TMEM165: variants seen among roughly 807,000 people sequenced by gnomAD.
TMEM165 encodes the protein putative divalent cation/proton antiporter TMEM165.
TMEM165 carries 19 observed loss-of-function variants against 30.0 expected under a neutral mutation model. The observed-to-expected ratio is 0.63, with a 90% CI of 0.44 to 0.93. TMEM165 has a LOEUF of 0.93. Among genes scored for constraint, TMEM165 ranks in the 40% least tolerant of loss-of-function variants. The probability of loss-of-function intolerance (pLI) is 0.00; values close to 1 mark genes in which losing one functional copy is unlikely to be tolerated. For missense variants in TMEM165, 340 were observed against 417.0 expected, an observed-to-expected ratio of 0.82 and a Z score of 1.61; for synonymous variants, 168 against 162.9, an observed-to-expected ratio of 1.03 and a Z score of -0.24.
At chr4:55,400,768 ACTC>A (rs1720967746) in intron 1 of TMEM165, among the ~76,000 whole-genome samples, 1 of 150,234 alleles carries the variant, frequency 6.7e-6, no homozygotes, top group Middle Eastern at 3.4e-3. Flanking sequence ...TTTTGATACT[ACTC>A]AAGTATTTTT....
downstream of TMEM165, chr4:55,429,759 A>C (rs1281457837): frequency 6.6e-6 from 1 of 152,234 alleles, no homozygotes; most frequent in Non-Finnish European, 1.5e-5. Context: ...AAAACAAAGA[A>C]GGCAGCAAGT....
At chr4:55,415,633 C>G (rs112200939) in intron 2 of TMEM165, 1 of 152,076 alleles carries the variant, frequency 6.6e-6, no homozygotes, top group South Asian at 2.1e-4. Context: ...TACATATATA[C>G]AAATATACAT....
At chr4:55,412,391 C>A (rs1445306865) in intron 2 of TMEM165, among the ~76,000 whole-genome samples, 1 of 9,330 alleles carries the variant, frequency 1.1e-4, no homozygotes, top group Non-Finnish European at 4.0e-4. Context: ...GAGACTCCAT[C>A]TCAAAAAAAA....
chr4:55,427,624 C>T (rs1013907860), downstream of TMEM165, among the ~76,000 whole-genome samples: 10 of 152,180 alleles, frequency 6.6e-5, no homozygotes, highest in Admixed American at 5.9e-4. Flanking sequence ...GGATTACAGG[C>T]GTGAGCCACC....
intron 1 of TMEM165, among the ~76,000 whole-genome samples, chr4:55,402,322 A>G (rs1721031617): frequency 6.9e-6 from 1 of 144,132 alleles, no homozygotes. Context: ...CGTAATGAAA[A>G]TTAAAATACT....
At chr4:55,440,136 A>C (rs1206172095) in intron 3 of TMEM165, among the ~76,000 whole-genome samples, 1 of 152,182 alleles carries the variant, frequency 6.6e-6, no homozygotes, top group Non-Finnish European at 1.5e-5. Flanking sequence ...TTCATGAATA[A>C]ACAAAGCTAT....
chr4:55,405,218 T>C (rs1271409077), intron 1 of TMEM165, among the ~76,000 whole-genome samples: 2 of 152,224 alleles, frequency 1.3e-5, no homozygotes, highest in African/African-American at 4.8e-5. Context: ...CTTAATGTTA[T>C]TAATAGATTC....
downstream of TMEM165, among the ~76,000 whole-genome samples, chr4:55,426,838 A>AT (rs1722223891): frequency 6.6e-6 from 1 of 152,052 alleles, no homozygotes; most frequent in South Asian, 2.1e-4. Flanking sequence ...AGATCTTAAG[A>AT]GGAGTTTTCA....
Position 55,424,957 on chromosome 4 carries a change from A to G in TMEM165, c.898+314A>G, listed in dbSNP as rs78319004. On this transcript the variant is annotated intron_variant, in intron 5 of 5. Transcript: ENST00000381334. ...TAAAAATGTGTCTTACAAGACTGGA[A>G]TCATGTGGAGACCATATGTACTGAT... The G allele has an allele frequency of 0.013, 4,865 of 387,192 alleles. 222 individuals are homozygous for G. The highest frequency in any genetic ancestry group is 0.093 in the African/African-American group (4,478 of 48,132). The allele number at this position is 387,192 out of a possible 1,614,324, so 24.0% of individuals were successfully genotyped here.
chr4:55,446,948 G>A (rs1406670480), intron 3 of TMEM165, among the ~76,000 whole-genome samples: 2 of 151,872 alleles, frequency 1.3e-5, no homozygotes, highest in Non-Finnish European at 2.9e-5. Context: ...ACACAACTTT[G>A]ATTTCAGAAA....
At chr4:55,448,003 T>A (rs1439954092) in intron 3 of TMEM165, among the ~76,000 whole-genome samples, 1 of 152,194 alleles carries the variant, frequency 6.6e-6, no homozygotes, top group Non-Finnish European at 1.5e-5. Context: ...CCCCCTTTTT[T>A]TTGGCTACTT....
chr4:55,413,859 G>A (rs1246437723), intron 2 of TMEM165, among the ~76,000 whole-genome samples: 3 of 152,090 alleles, frequency 2.0e-5, no homozygotes, highest in African/African-American at 7.2e-5. Context: ...TTATTTATAA[G>A]CTATATAATG....
At chr4:55,397,037 A>G (rs976238518) in intron 1 of TMEM165, 2 of 152,188 alleles carry the variant, frequency 1.3e-5, no homozygotes, top group African/African-American at 4.8e-5. Flanking sequence ...CTGAATAGAT[A>G]CTAGAAATCA....
chr4:55,420,198 T>C (rs1164752422), intron 4 of TMEM165, among the ~76,000 whole-genome samples: 1 of 146,708 alleles, frequency 6.8e-6, no homozygotes, highest in African/African-American at 2.5e-5. Flanking sequence ...ATTTCTAGCC[T>C]TTTATTGGCT....
intron 3 of TMEM165, among the ~76,000 whole-genome samples, chr4:55,439,675 TAAAA>T (rs1252837059): frequency 1.3e-5 from 2 of 152,254 alleles, no homozygotes; most frequent in African/African-American, 4.8e-5. Flanking sequence ...TACTTAGCCT[TAAAA>T]AGGAAAGAAA....
In TMEM165 at chr4:55,413,452, C is replaced by G. The variant is rs539653354; in HGVS notation, c.433+1613C>G. On this transcript the variant is annotated intron_variant, in intron 2 of 5. Transcript: ENST00000381334. ...GCCTCAGCCTCCCAAGTAGCTGAGA[C>G]TACAGGCACATGCCATCACGCCTGG... 4.6e-5 allele frequency among the ~76,000 whole-genome samples: 7 copies of G among 152,312 alleles called. No homozygotes were observed. The East Asian group carries it at 1.4e-3, about 29-fold the overall frequency.
chr4:55,443,396 A>T (rs549394883), intron 3 of TMEM165, among the ~76,000 whole-genome samples: 1 of 150,928 alleles, frequency 6.6e-6, no homozygotes, highest in East Asian at 1.9e-4. Flanking sequence ...AATCGCTTCA[A>T]CCCAGGAGGC....
At chr4:55,429,117 C>T (rs923914934), downstream of TMEM165, 1 of 151,918 alleles carries the variant, frequency 6.6e-6, no homozygotes, top group African/African-American at 2.4e-5. Context: ...CAGCAGTGAA[C>T]TTGCACTAGT....
At chr4:55,440,289 T>C (rs1229543477) in intron 3 of TMEM165, among the ~76,000 whole-genome samples, 1 of 152,200 alleles carries the variant, frequency 6.6e-6, no homozygotes, top group Non-Finnish European at 1.5e-5. Context: ...CAGCATAGCG[T>C]CCTCTGTGCT....
Sources: gnomAD v4.1 joint callset for allele counts (sites outside exome capture counted in the v4.1 genomes callset) on GRCh38, gnomAD v4.1.1 for gene constraint, MANE v1.5 for transcripts, NCBI Gene and HGNC (gene_info 2026-07-23, HGNC 2026-07-21) for gene names.